The following PCDHGA3 variants were observed in gnomAD, a reference collection of about 807,000 sequenced individuals.
PCDHGA3 encodes protocadherin gamma subfamily A, 3, also known as protocadherin gamma-A3.
Under a neutral mutation model 58.5 loss-of-function variants are expected in PCDHGA3, and 40 were observed. That is an observed-to-expected ratio of 0.68 (90% confidence interval 0.53 to 0.89). PCDHGA3 has a LOEUF of 0.89. Among genes scored for constraint, PCDHGA3 ranks in the 40% least tolerant of loss-of-function variants. The probability of loss-of-function intolerance (pLI) is 0.00; values close to 1 mark genes in which losing one functional copy is unlikely to be tolerated. For missense variants in PCDHGA3, 1,223 were observed against 1,195.9 expected, an observed-to-expected ratio of 1.02 and a Z score of -0.33; for synonymous variants, 530 against 525.7, an observed-to-expected ratio of 1.01 and a Z score of -0.11.
rs558513172 is a variant in PCDHGA3 at position 141,424,015 on chromosome 5, A to T, written c.2425-70792A>T. The T allele has an allele frequency of 3.0e-5, 32 of 1,060,896 alleles. No individual in the cohort carries two copies. The Admixed American group carries it at 3.2e-4, about 11-fold the overall frequency. The allele number at this position is 1,060,896 out of a possible 1,614,324, so 65.7% of individuals were successfully genotyped here. A position where few individuals can be genotyped will look rare whatever the true frequency, so the allele number is the denominator to read the frequency against. ...TATTATATATAGATACAAATTAATGATTCACAAACACTTTTTATTTCCATT... is the reference window on the plus strand; with the variant it reads ...TATTATATATAGATACAAATTAATGTTTCACAAACACTTTTTATTTCCATT... On this transcript the variant is annotated intron_variant, in intron 1 of 3. Transcript: ENST00000253812.
intron 2 of PCDHGA3, among the ~76,000 whole-genome samples, chr5:141,502,759 C>T (rs535899844): frequency 9.9e-5 from 15 of 152,130 alleles, no homozygotes; most frequent in African/African-American, 3.6e-4. Context: ...CATGTATTTG[C>T]TGGTATTCTT....
intron 1 of PCDHGA3, chr5:141,413,731 G>A (rs1008251304): frequency 6.2e-7 from 1 of 1,613,454 alleles, no homozygotes; most frequent in South Asian, 1.1e-5. Context: ...CTCCCTAAGA[G>A]TTCAGAGCCG....
At chr5:141,467,920 A>G (rs1244280087) in intron 1 of PCDHGA3, among the ~76,000 whole-genome samples, 1 of 152,124 alleles carries the variant, frequency 6.6e-6, no homozygotes, top group Non-Finnish European at 1.5e-5. Flanking sequence ...CAGCCTCCCA[A>G]AATGCTAGGA....
intron 1 of PCDHGA3, chr5:141,374,173 G>A: frequency 6.2e-7 from 1 of 1,613,470 alleles, no homozygotes; most frequent in Non-Finnish European, 8.5e-7. Flanking sequence ...CGGCAGCGCA[G>A]ATCCGCTACT....
intron 1 of PCDHGA3, chr5:141,418,485 A>G (rs1216502936): frequency 6.2e-7 from 1 of 1,614,028 alleles, no homozygotes; most frequent in South Asian, 1.1e-5. Context: ...AGCGCTCACC[A>G]CTTGGTACTG....
chr5:141,456,800 TA>T (rs1038857337), intron 1 of PCDHGA3, among the ~76,000 whole-genome samples: 2 of 151,846 alleles, frequency 1.3e-5, no homozygotes, highest in African/African-American at 4.8e-5. Flanking sequence ...CCATCTCTAC[TA>T]AAAATACAAA....
At chr5:141,364,501 G>A in intron 1 of PCDHGA3, 1 of 1,614,044 alleles carries the variant, frequency 6.2e-7, no homozygotes, top group Non-Finnish European at 8.5e-7. Context: ...TGGAGCCCCA[G>A]GAGCTGGCGG....
chr5:141,367,935 G>A (rs951282993), intron 1 of PCDHGA3, among the ~76,000 whole-genome samples: 2 of 152,044 alleles, frequency 1.3e-5, no homozygotes, highest in African/African-American at 4.8e-5. Flanking sequence ...CTTAAAGATG[G>A]TTCAAAATTT....
Position 141,351,711 on chromosome 5 carries a change from CCTA to C in PCDHGA3, c.2424+5257_2424+5259del, listed in dbSNP as rs549925398. On this transcript the variant is annotated intron_variant, in intron 1 of 3. Transcript: ENST00000253812. ...GATTTGGGACCCAACGGCAGAGTCT[CCTA>C]CTCTATTCTGGCCAGTGACCTGGAG... 1.1e-4 allele frequency: 173 copies of C among 1,613,916 alleles called. 1 individual carries two copies. In the African/African-American group the frequency reaches 2.0e-3, roughly 18 times the overall value.
chr5:141,446,253 A>T (rs1452074783), intron 1 of PCDHGA3, among the ~76,000 whole-genome samples: 3 of 152,164 alleles, frequency 2.0e-5, no homozygotes, highest in African/African-American at 7.2e-5. Context: ...CTTCAGTGAA[A>T]TATTATTAAC....
At chr5:141,439,523 T>A (rs2098118339) in intron 1 of PCDHGA3, among the ~76,000 whole-genome samples, 1 of 152,202 alleles carries the variant, frequency 6.6e-6, no homozygotes, top group African/African-American at 2.4e-5. Context: ...CAACTAACTC[T>A]ACAGAACGCT....
At chr5:141,498,973 GA>G (rs1161965842) in intron 2 of PCDHGA3, among the ~76,000 whole-genome samples, 8 of 11,660 alleles carry the variant, frequency 6.9e-4, no homozygotes, top group Admixed American at 4.8e-3. Flanking sequence ...GGGAGGGAGG[GA>G]AGGAAGGAAG....
In PCDHGA3 at chr5:141,432,469, C is replaced by A; in HGVS notation, c.2425-62338C>A. On this transcript the variant is annotated intron_variant, in intron 1 of 3. Coordinates refer to ENST00000253812, the MANE Select transcript of PCDHGA3 (RefSeq NM_018916.4). The surrounding 1 kb of genome is among the most constrained non-coding windows in gnomAD (Gnocchi z 6.0). ...TCCTGTACCCCGCCCTCCCCACGGA[C>A]GGTTCCACTGGCGTGGAGCTGGCTC... 6.2e-7 allele frequency: 1 copy of A among 1,614,218 alleles called. No individual in the cohort carries two copies.
chr5:141,346,422 T>C lies in PCDHGA3; in HGVS notation c.2389T>C (p.Leu797=), dbSNP rs770342627. ...CGAGCCTCTTCTGATAACTCAGGATTTACTTGAAATGAAAGGAGATTCCAA... is the reference window on the plus strand; with the variant it reads ...CGAGCCTCTTCTGATAACTCAGGATCTACTTGAAATGAAAGGAGATTCCAA... ...KSEPLLITQD[L]LEMKGDSNLL... is the part of the protein sequence containing the mutation. The change falls in exon 1 of 4, where the codon TTA becomes CTA. Residue 797 remains leucine, a synonymous_variant. Coordinates refer to ENST00000253812, the MANE Select transcript of PCDHGA3 (RefSeq NM_018916.4). The C allele has an allele frequency of 3.1e-6, 5 of 1,614,256 alleles. No individual in the cohort carries two copies. The South Asian group carries it at 5.5e-5, about 18-fold the overall frequency.
chr5:141,365,687 C>T, intron 1 of PCDHGA3: 1 of 1,613,530 alleles, frequency 6.2e-7, no homozygotes, highest in Non-Finnish European at 8.5e-7. Context: ...ACCCAATTTC[C>T]CTCAAGCCTC....
At chr5:141,421,999 T>C in intron 1 of PCDHGA3, 1 of 1,609,214 alleles carries the variant, frequency 6.2e-7, no homozygotes, top group Non-Finnish European at 8.5e-7. Context: ...AAACATCAGC[T>C]CCGGAACTCG....
chr5:141,486,816 C>G lies in PCDHGA3; in HGVS notation c.2425-7991C>G. The G allele has an allele frequency of 6.2e-7, 1 of 1,614,252 alleles. No individual in the cohort carries two copies. Among genetic ancestry groups the G allele is most frequent in the East Asian group, 2.2e-5 (1 of 44,884 alleles). ...CGGGGCAACCCACCCCTTAGCAGCACTGTAACAGTTCGTCTATTTGTGCTG... is the reference window on the plus strand; with the variant it reads ...CGGGGCAACCCACCCCTTAGCAGCAGTGTAACAGTTCGTCTATTTGTGCTG... On this transcript the variant is annotated intron_variant, in intron 1 of 3. Coordinates refer to ENST00000253812, the MANE Select transcript of PCDHGA3 (RefSeq NM_018916.4). The surrounding 1 kb of genome is among the most constrained non-coding windows in gnomAD (Gnocchi z 5.0).
intron 1 of PCDHGA3, among the ~76,000 whole-genome samples, chr5:141,470,417 T>A (rs1482173610): frequency 6.6e-6 from 1 of 152,226 alleles, no homozygotes; most frequent in East Asian, 1.9e-4. Context: ...ATTTTATGTA[T>A]TTTTTCCTTG....
intron 1 of PCDHGA3, chr5:141,372,446 T>C: frequency 6.2e-7 from 1 of 1,614,030 alleles, no homozygotes; most frequent in Non-Finnish European, 8.5e-7. Context: ...CCTCTGACCC[T>C]CAGGCGGAGC....
Sources: allele counts gnomAD v4.1 joint callset (sites outside exome capture counted in the v4.1 genomes callset), GRCh38; gene constraint gnomAD v4.1.1; non-coding constraint Gnocchi (gnomAD v3.1); transcripts MANE v1.5; gene names NCBI Gene and HGNC (gene_info 2026-07-23, HGNC 2026-07-21).